The following TRPC4 variants were observed in gnomAD, a reference collection of about 807,000 sequenced individuals.
TRPC4 encodes short transient receptor potential channel 4.
TRPC4 carries 49 observed loss-of-function variants against 99.4 expected under a neutral mutation model. The ratio of observed to expected loss-of-function variants is 0.49; its 90% CI spans 0.39 to 0.63. The LOEUF is 0.63. Ranked by LOEUF, TRPC4 falls within the 20% of genes least tolerant of loss-of-function variation. The pLI is 0.00. For missense variants in TRPC4, 898 were observed against 1,152.9 expected (o/e 0.78, Z 3.20); for synonymous variants, 454 against 425.9 (o/e 1.07, Z -0.81).
intron 2 of TRPC4, among the ~76,000 whole-genome samples, chr13:37,772,123 G>A (rs150994138): frequency 4.0e-4 from 61 of 151,758 alleles, no homozygotes; most frequent in Admixed American, 8.6e-4. Context: ...TATGCTTGAC[G>A]GATTCTCATT....
intron 1 of TRPC4, among the ~76,000 whole-genome samples, chr13:37,857,446 C>G (rs1453315422): frequency 1.3e-5 from 2 of 151,382 alleles, no homozygotes; most frequent in African/African-American, 4.8e-5. Context: ...ACCACAAAGA[C>G]CCAGAATCGC....
Position 37,847,187 on chromosome 13 carries a change from C to T in TRPC4, c.-28+22408G>A, listed in dbSNP as rs527939343. 1.5e-3 allele frequency among the ~76,000 whole-genome samples: 222 copies of T among 152,090 alleles called. 1 individual carries two copies. Among genetic ancestry groups the T allele is most frequent in the African/African-American group, 4.1e-3 (171 of 41,528 alleles). On this transcript the variant is annotated intron_variant, in intron 1 of 10. Transcript: ENST00000379705. ...GACTTGAATTATACTTTAGATCACA[C>T]GTACCTGACAGAAATATCTACAATA...
rs776794380 is a variant in TRPC4 at position 37,827,257 on chromosome 13, CCTT to C, written c.-28+42335_-28+42337del. Among the ~76,000 whole-genome samples the C allele has an allele frequency of 5.9e-5, 9 of 152,266 alleles. 1 individual carries two copies. The Middle Eastern group carries it at 0.014, about 230-fold the overall frequency. Reference sequence around the variant, plus strand: ...CTCAGAGGAATTTGATCGTCTGAAGCCTTCTTCTCTCAGCTCATCAAAGTCATT... The same window carrying C: ...CTCAGAGGAATTTGATCGTCTGAAGCCTTCTCTCAGCTCATCAAAGTCATT... On this transcript the variant is annotated intron_variant, in intron 1 of 10. Transcript: ENST00000379705.
At chr13:37,805,791 T>C (rs983934976) in intron 1 of TRPC4, among the ~76,000 whole-genome samples, 1 of 152,062 alleles carries the variant, frequency 6.6e-6, no homozygotes, top group African/African-American at 2.4e-5. Flanking sequence ...TATTAACTGA[T>C]CTAATGTCAA....
intron 2 of TRPC4, among the ~76,000 whole-genome samples, chr13:37,754,033 G>A (rs1181689814): frequency 6.6e-6 from 1 of 152,054 alleles, no homozygotes; most frequent in African/African-American, 2.4e-5. Flanking sequence ...CAGGGACTCT[G>A]GTTGACTGCA....
Position 37,685,332 on chromosome 13 carries a change from G to A in TRPC4, c.1234+6667C>T, listed in dbSNP as rs116171352. 9.0e-3 allele frequency among the ~76,000 whole-genome samples: 1,364 copies of A among 152,142 alleles called. 33 individuals carry two copies. Among genetic ancestry groups the A allele is most frequent in the African/African-American group, 0.032 (1,313 of 41,492 alleles). ...AAGAATCTAGATCTAGACTTACATTGACTGGAATTTGAATCTAGTATCACT... is the reference window on the plus strand; with the variant it reads ...AAGAATCTAGATCTAGACTTACATTAACTGGAATTTGAATCTAGTATCACT... On this transcript the variant is annotated intron_variant, in intron 4 of 10. Transcript: ENST00000379705.
chr13:37,720,061 C>G (rs139060488), intron 3 of TRPC4, among the ~76,000 whole-genome samples: 14 of 151,882 alleles, frequency 9.2e-5, no homozygotes, highest in Non-Finnish European at 1.9e-4. Context: ...GCTACTATTG[C>G]TGGCTTTAAA....
chr13:37,802,187 C>T (rs1282145827), intron 1 of TRPC4, among the ~76,000 whole-genome samples: 2 of 152,032 alleles, frequency 1.3e-5, no homozygotes, highest in Admixed American at 6.6e-5. Context: ...TGCCTTTTAG[C>T]TTCTGCTAAT....
intron 4 of TRPC4, among the ~76,000 whole-genome samples, chr13:37,676,023 A>G (rs1219432179): frequency 2.0e-5 from 3 of 152,134 alleles, no homozygotes; most frequent in African/African-American, 7.2e-5. Context: ...GCAACAACAA[A>G]ACCCAAACCC....
At chr13:37,859,953 A>G (rs1242014156) in intron 1 of TRPC4, among the ~76,000 whole-genome samples, 1 of 151,234 alleles carries the variant, frequency 6.6e-6, no homozygotes, top group African/African-American at 2.4e-5. Flanking sequence ...GAAATTATAT[A>G]TTTTAAAAGA....
chr13:37,750,142 T>C, intron 2 of TRPC4, among the ~76,000 whole-genome samples: 1 of 13,972 alleles, frequency 7.2e-5, no homozygotes, highest in East Asian at 0.5. Flanking sequence ...CTCTTTGAAA[T>C]ATATTCCTTT....
chr13:37,778,679 T>C (rs1468996099), intron 2 of TRPC4, among the ~76,000 whole-genome samples: 3 of 152,028 alleles, frequency 2.0e-5, no homozygotes, highest in Non-Finnish European at 4.4e-5. Context: ...CTAATCACTC[T>C]GGAATCTTCA....
At chr13:37,795,251 A>T (rs1957217125) in intron 1 of TRPC4, among the ~76,000 whole-genome samples, 1 of 152,172 alleles carries the variant, frequency 6.6e-6, no homozygotes, top group Non-Finnish European at 1.5e-5. Flanking sequence ...GATCAGGATG[A>T]TTTTGCAGGC....
intron 2 of TRPC4, among the ~76,000 whole-genome samples, chr13:37,769,582 T>A (rs1220288280): frequency 6.6e-6 from 1 of 151,518 alleles, no homozygotes; most frequent in Non-Finnish European, 1.5e-5. Flanking sequence ...CTTATAATCC[T>A]GGTGCATTTC....
chr13:37,765,234 A>G (rs1231941172), intron 2 of TRPC4, among the ~76,000 whole-genome samples: 1 of 151,416 alleles, frequency 6.6e-6, no homozygotes. Flanking sequence ...AATATTGTTC[A>G]GTGTAGACCA....
chr13:37,865,241 T>C (rs946378457), intron 1 of TRPC4, among the ~76,000 whole-genome samples: 1 of 151,622 alleles, frequency 6.6e-6, no homozygotes, highest in Non-Finnish European at 1.5e-5. Flanking sequence ...CTAAAACAAA[T>C]ACACTTGTCT....
At chr13:37,727,077 A>C (rs906885732) in intron 3 of TRPC4, among the ~76,000 whole-genome samples, 1 of 152,094 alleles carries the variant, frequency 6.6e-6, no homozygotes, top group African/African-American at 2.4e-5. Flanking sequence ...ACAATAAGCC[A>C]ATTAGATCTA....
chr13:37,678,053 G>A (rs1205479395), intron 4 of TRPC4, among the ~76,000 whole-genome samples: 1 of 152,058 alleles, frequency 6.6e-6, no homozygotes, highest in Non-Finnish European at 1.5e-5. Context: ...TACATGAGAA[G>A]AGTTAAAAAT....
At chr13:37,832,978 G>T (rs572434262) in intron 1 of TRPC4, among the ~76,000 whole-genome samples, 1 of 152,174 alleles carries the variant, frequency 6.6e-6, no homozygotes, top group East Asian at 1.9e-4. Context: ...GCAGTATCGA[G>T]TCCTGCTTCT....
Sources: gnomAD v4.1 joint callset for allele counts (sites outside exome capture counted in the v4.1 genomes callset) on GRCh38, gnomAD v4.1.1 for gene constraint, MANE v1.5 for transcripts, NCBI Gene and HGNC (gene_info 2026-07-23, HGNC 2026-07-21) for gene names.